The following RBM19 variants were observed in gnomAD, a reference collection of about 807,000 sequenced individuals.
The protein encoded by RBM19 is probable RNA-binding protein 19.
Under a neutral mutation model 116.8 loss-of-function variants are expected in RBM19, and 94 were observed. That is an observed-to-expected ratio of 0.80 (90% CI 0.68 to 0.95). RBM19 has a LOEUF of 0.95. RBM19 is among the 40% of genes least tolerant of loss of function. The pLI is 0.00. For synonymous variants in RBM19, 475 were observed against 494.1 expected, an observed-to-expected ratio of 0.96 and a Z score of 0.51; for missense variants, 1,161 against 1,220.7, an observed-to-expected ratio of 0.95 and a Z score of 0.73.
intron 16 of RBM19, chr12:113,927,534 T>A: frequency 3.3e-6 from 1 of 303,938 alleles, no homozygotes; most frequent in East Asian, 5.3e-5. Context: ...TAAATTACCA[T>A]GTGAACTGTT....
rs989863547 is a variant in RBM19 at position 113,852,261 on chromosome 12, C to T, written c.2664+6530G>A. Among the ~76,000 whole-genome samples, 14 of 152,072 alleles carry T rather than the reference C, an allele frequency of 9.2e-5. No individual in the cohort carries two copies. In the South Asian group the frequency reaches 1.0e-3, roughly 11 times the overall value. On this transcript the variant is annotated intron_variant, in intron 22 of 23. Coordinates refer to ENST00000261741, the MANE Select transcript of RBM19 (RefSeq NM_016196.4). The stretch of plus-strand genomic sequence containing the variant: ...CAGGGACACAATTAGCAGGGGGGTC[C>T]GTCCTGGCACTGAGTCTTGGCCACA...
chr12:113,846,869 T>C (rs1325780857), intron 22 of RBM19, among the ~76,000 whole-genome samples: 3 of 152,150 alleles, frequency 2.0e-5, no homozygotes, highest in Non-Finnish European at 4.4e-5. Flanking sequence ...CATGCTGCAA[T>C]GCCTCGCTAA....
chr12:113,947,701 A>G (rs576060390), intron 10 of RBM19, among the ~76,000 whole-genome samples: 31 of 152,326 alleles, frequency 2.0e-4, no homozygotes, highest in African/African-American at 7.0e-4. Context: ...CAGTCTTTTC[A>G]TCTGTAAAAC....
rs763967950 is a variant in RBM19, at chr12:113,946,450, G to C, written c.1433C>G (p.Ser478Cys). ...CTCGCTGGCTTCCTTCTTGATGGTA[G>C]ATGGTAACACGTGGAGCATCCTGCC... is the stretch of plus-strand genomic sequence containing the variant. ...FQGRMLHVLP[S>C]TIKKEASEDA... Residue 478 changes from serine to cysteine, a missense_variant, in exon 12 of 24, where the codon TCT becomes TGT. Physicochemically the swap from Ser to Cys is moderately radical, Grantham distance 112. Transcript: ENST00000261741. The C allele has an allele frequency of 1.9e-6, 3 of 1,614,164 alleles. No homozygotes were observed. Among genetic ancestry groups the C allele is most frequent in the South Asian group, 1.1e-5 (1 of 91,080 alleles).
rs531567032 is a variant in RBM19 at position 113,910,757 on chromosome 12, G to A, written c.2558+4212C>T. Among the ~76,000 whole-genome samples the A allele has an allele frequency of 3.9e-5, 6 of 152,276 alleles. No individual in the cohort carries two copies. The South Asian group carries it at 1.0e-3, about 26-fold the overall frequency. ...TTCACCCCATGTCCCATGCCTCCCCGATGCCTGTATTAGCCAGCTCTGTTT... is the reference window on the plus strand; with the variant it reads ...TTCACCCCATGTCCCATGCCTCCCCAATGCCTGTATTAGCCAGCTCTGTTT... On this transcript the variant is annotated intron_variant, in intron 21 of 23. Coordinates refer to ENST00000261741, the MANE Select transcript of RBM19 (RefSeq NM_016196.4).
intron 10 of RBM19, 124 bp downstream of exon 10, chr12:113,948,709 T>G: frequency 1.0e-6 from 1 of 957,010 alleles, no homozygotes; most frequent in Non-Finnish European, 1.5e-6. Context: ...ATTTTACAGA[T>G]GAGAAAACTG....
At chr12:113,867,739 G>A (rs1038440891) in intron 21 of RBM19, among the ~76,000 whole-genome samples, 12 of 152,082 alleles carry the variant, frequency 7.9e-5, no homozygotes, top group African/African-American at 2.9e-4. Context: ...TGGCCAACAT[G>A]GTGAAGCCCC....
At chr12:113,830,433 G>A (rs1179017894) in intron 23 of RBM19, among the ~76,000 whole-genome samples, 2 of 152,044 alleles carry the variant, frequency 1.3e-5, no homozygotes, top group African/African-American at 2.4e-5. Context: ...GTCGGTGGGT[G>A]GAGTAACTTC....
intron 22 of RBM19, among the ~76,000 whole-genome samples, chr12:113,855,830 A>G (rs1325778724): frequency 2.0e-5 from 3 of 152,210 alleles, no homozygotes; most frequent in Non-Finnish European, 4.4e-5. Flanking sequence ...TCAGAATCCT[A>G]TTCACTAATA....
chr12:113,829,010 T>TG (rs1046448487), intron 23 of RBM19, among the ~76,000 whole-genome samples: 1 of 151,982 alleles, frequency 6.6e-6, no homozygotes, highest in Admixed American at 6.5e-5. Flanking sequence ...TGCCTTTTTT[T>TG]TTTTTTAAAT....
At chr12:113,890,925 C>T (rs560471979) in intron 21 of RBM19, among the ~76,000 whole-genome samples, 2 of 152,162 alleles carry the variant, frequency 1.3e-5, no homozygotes, top group South Asian at 4.1e-4. Context: ...GTAGCTGGGA[C>T]TATAGACTAC....
At chr12:113,821,718 T>C (rs558804616), downstream of RBM19, among the ~76,000 whole-genome samples, 1 of 152,288 alleles carries the variant, frequency 6.6e-6, no homozygotes, top group Admixed American at 6.5e-5. Flanking sequence ...CAGTGAGCTA[T>C]GATCATGCCA....
chr12:113,920,748 G>C, intron 18 of RBM19, 58 bp from the exon 19 acceptor site: 1 of 1,501,910 alleles, frequency 6.7e-7, no homozygotes, highest in Non-Finnish European at 9.3e-7. Flanking sequence ...AAGGCCAAGT[G>C]CAAGGGCTGT....
At chr12:113,888,766 G>A (rs909312152) in intron 21 of RBM19, among the ~76,000 whole-genome samples, 3 of 152,234 alleles carry the variant, frequency 2.0e-5, no homozygotes, top group East Asian at 1.9e-4. Flanking sequence ...TGTAATTCCC[G>A]TCTTCATCTC....
intron 21 of RBM19, among the ~76,000 whole-genome samples, chr12:113,877,726 G>A (rs1367898282): frequency 1.3e-5 from 2 of 152,202 alleles, no homozygotes; most frequent in African/African-American, 4.8e-5. Context: ...CCCAGGATGA[G>A]AGCTCATGTA....
intron 18 of RBM19, among the ~76,000 whole-genome samples, chr12:113,921,936 G>A (rs1277865768): frequency 1.3e-5 from 2 of 152,212 alleles, no homozygotes; most frequent in Non-Finnish European, 2.9e-5. Flanking sequence ...CAGATTCCTT[G>A]CTTCCTGTTG....
In RBM19 at chr12:113,915,293, C is replaced by T. The variant is rs947922683; in HGVS notation, c.2442-208G>A. 4.6e-5 allele frequency among the ~76,000 whole-genome samples: 7 copies of T among 152,140 alleles called. No homozygotes were observed. In the East Asian group the frequency reaches 9.6e-4, roughly 21 times the overall value. ...GCTGCAGACGTCAGGGGGACACATC[C>T]GTGCTTGGGTGGCTGCTGACCTTCA... On this transcript the variant is annotated intron_variant, in intron 20 of 23. Coordinates refer to ENST00000261741, the MANE Select transcript of RBM19 (RefSeq NM_016196.4).
intron 21 of RBM19, among the ~76,000 whole-genome samples, chr12:113,911,020 A>G (rs1360788652): frequency 6.7e-6 from 1 of 149,124 alleles, no homozygotes; most frequent in African/African-American, 2.5e-5. Flanking sequence ...TGTGCAACAT[A>G]CCTACTCCAG....
At chr12:113,934,432 A>G (rs532469657) in intron 16 of RBM19, among the ~76,000 whole-genome samples, 1 of 152,372 alleles carries the variant, frequency 6.6e-6, no homozygotes, top group East Asian at 1.9e-4. Flanking sequence ...TAGGCCTCAC[A>G]TGATGAGGAT....
Sources: allele counts gnomAD v4.1 joint callset (sites outside exome capture counted in the v4.1 genomes callset), GRCh38; gene constraint gnomAD v4.1.1; transcripts MANE v1.5; gene names NCBI Gene and HGNC (gene_info 2026-07-23, HGNC 2026-07-21).